ARHGAP32: variants seen among roughly 807,000 people sequenced by gnomAD.
ARHGAP32 encodes Rho GTPase activating protein 32.
Under a neutral mutation model 186.5 loss-of-function variants are expected in ARHGAP32, and 51 were observed. The observed-to-expected ratio is 0.27, with a 90% CI of 0.22 to 0.35. The LOEUF (loss-of-function observed/expected upper bound fraction) is 0.35. ARHGAP32 is among the 10% of genes least tolerant of loss of function. ARHGAP32 has a pLI of 1.00. For synonymous variants in ARHGAP32, 950 were observed against 964.3 expected, an observed-to-expected ratio of 0.99 and a Z score of 0.27; for missense variants, 2,186 against 2,623.5, an observed-to-expected ratio of 0.83 and a Z score of 3.64.
At chr11:129,117,716 A>G (rs1003956072) in intron 5 of ARHGAP32, among the ~76,000 whole-genome samples, 2 of 151,972 alleles carry the variant, frequency 1.3e-5, no homozygotes, top group African/African-American at 4.8e-5. Context: ...ATCAAGTGAT[A>G]ACTTCAGATA....
chr11:129,038,888 G>GAAAAAAAAAAAAAAAAAAAAAAAAA (rs56810685), intron 11 of ARHGAP32, among the ~76,000 whole-genome samples: 18 of 92,172 alleles, frequency 2.0e-4, no homozygotes, highest in Admixed American at 2.7e-4. Context: ...ACCCTGTCTC[G>GAAAAAAAAAAAAAAAAAAAAAAAAA]AAAAAAAAAA....
At chr11:129,220,981 G>T (rs1944703718) in intron 1 of ARHGAP32, among the ~76,000 whole-genome samples, 1 of 152,034 alleles carries the variant, frequency 6.6e-6, no homozygotes, top group Non-Finnish European at 1.5e-5. Context: ...GATAAAGAGA[G>T]GGTATCATTA....
chr11:129,057,505 A>C (rs1460385637), intron 10 of ARHGAP32, among the ~76,000 whole-genome samples: 1 of 151,966 alleles, frequency 6.6e-6, no homozygotes, highest in Non-Finnish European at 1.5e-5. Context: ...CAAAATTCAT[A>C]ATGTTGAATT....
intron 1 of ARHGAP32, among the ~76,000 whole-genome samples, chr11:129,216,544 G>A (rs927024324): frequency 2.0e-5 from 3 of 151,672 alleles, no homozygotes; most frequent in Admixed American, 6.6e-5. Context: ...ATGGTGGCTG[G>A]TGCCTGTAAT....
intron 5 of ARHGAP32, among the ~76,000 whole-genome samples, chr11:129,107,391 A>C (rs1942078135): frequency 6.6e-6 from 1 of 152,208 alleles, no homozygotes; most frequent in South Asian, 2.1e-4. Flanking sequence ...AAAGATCTCC[A>C]GTTAAGGTTA....
At chr11:129,231,634 A>T (rs955729697) in intron 1 of ARHGAP32, among the ~76,000 whole-genome samples, 5 of 152,092 alleles carry the variant, frequency 3.3e-5, no homozygotes, top group Admixed American at 2.6e-4. Flanking sequence ...CCAACTATAA[A>T]AGTAGTACAC....
At chr11:129,272,858 A>T (rs904142361) in intron 1 of ARHGAP32, among the ~76,000 whole-genome samples, 9 of 152,252 alleles carry the variant, frequency 5.9e-5, no homozygotes, top group Non-Finnish European at 1.3e-4. Context: ...CAGAAGGGTT[A>T]TCCGTTGATT....
chr11:129,279,233 CCCTCCGCCCGCCGCCGCCG>C (rs1311745562), exon 1 of ARHGAP32: 1 of 20,054 alleles, frequency 5.0e-5, no homozygotes, highest in Non-Finnish European at 1.0e-4. Context: ...GGGCCCGACG[CCCTCCGCCCGCCGCCGCCG>C]CCGCCGAGCG....
chr11:128,994,914 G>T (rs1444393897), intron 12 of ARHGAP32, among the ~76,000 whole-genome samples: 1 of 151,904 alleles, frequency 6.6e-6, no homozygotes, highest in African/African-American at 2.4e-5. Context: ...AGCTCCTAAA[G>T]TTTACTGAAT....
chr11:129,031,379 C>T (rs1163907415), intron 11 of ARHGAP32, among the ~76,000 whole-genome samples: 1 of 152,138 alleles, frequency 6.6e-6, no homozygotes, highest in Admixed American at 6.5e-5. Context: ...ATCAGAGAGG[C>T]CAAATGTGTA....
At chr11:129,079,009 G>A (rs1290930927) in intron 6 of ARHGAP32, among the ~76,000 whole-genome samples, 1 of 151,508 alleles carries the variant, frequency 6.6e-6, no homozygotes, top group Admixed American at 6.6e-5. Flanking sequence ...AGTAAAAGAA[G>A]GAACTTCAGA....
chr11:129,194,834 A>G (rs1024185042), upstream of ARHGAP32, among the ~76,000 whole-genome samples: 6 of 152,000 alleles, frequency 3.9e-5, no homozygotes, highest in Non-Finnish European at 5.9e-5. Context: ...CTAATTTTAA[A>G]TAGAATCTTT....
At chr11:129,122,020 G>A (rs954800817) in intron 5 of ARHGAP32, among the ~76,000 whole-genome samples, 1 of 151,902 alleles carries the variant, frequency 6.6e-6, no homozygotes, top group African/African-American at 2.4e-5. Context: ...CCTCATAAAG[G>A]AAATAAAACC....
chr11:128,996,078 C>T (rs1026110195), intron 12 of ARHGAP32, among the ~76,000 whole-genome samples: 7 of 152,236 alleles, frequency 4.6e-5, no homozygotes, highest in Admixed American at 4.6e-4. Context: ...TGGTAAAAAT[C>T]ACTACTATAT....
intron 1 of ARHGAP32, among the ~76,000 whole-genome samples, chr11:129,179,882 C>T (rs1002603988): frequency 8.6e-5 from 13 of 151,896 alleles, no homozygotes; most frequent in Admixed American, 2.6e-4. Flanking sequence ...CAGCATGGCA[C>T]GTGTATACGT....
chr11:129,157,126 C>A (rs1943426641), intron 2 of ARHGAP32, among the ~76,000 whole-genome samples: 1 of 152,094 alleles, frequency 6.6e-6, no homozygotes, highest in Non-Finnish European at 1.5e-5. Context: ...TGAGGAAAAA[C>A]CAGAGCAAAA....
At chr11:129,132,996 G>A (rs1424730264) in intron 2 of ARHGAP32, among the ~76,000 whole-genome samples, 1 of 152,180 alleles carries the variant, frequency 6.6e-6, no homozygotes, top group African/African-American at 2.4e-5. Flanking sequence ...ACAAAGAAAA[G>A]GGGTTTAGTT....
At chr11:129,204,330 C>G (rs1003877457) in intron 1 of ARHGAP32, among the ~76,000 whole-genome samples, 9 of 151,930 alleles carry the variant, frequency 5.9e-5, no homozygotes, top group Admixed American at 3.9e-4. Flanking sequence ...GGGGAGAAAG[C>G]AAATGGTCTA....
At chr11:129,128,815 C>G (rs1016405065) in intron 2 of ARHGAP32, among the ~76,000 whole-genome samples, 3 of 152,212 alleles carry the variant, frequency 2.0e-5, no homozygotes, top group Admixed American at 2.0e-4. Context: ...CAGCTCCTGA[C>G]CGCAAGTGAT....
Sources: allele counts gnomAD v4.1 joint callset (sites outside exome capture counted in the v4.1 genomes callset), GRCh38; gene constraint gnomAD v4.1.1; transcripts MANE v1.5; gene names NCBI Gene and HGNC (gene_info 2026-07-23, HGNC 2026-07-21).